CALN1: variants seen among roughly 807,000 people sequenced by gnomAD.
The protein encoded by CALN1 is calcium-binding protein 8.
Under a neutral mutation model 30.6 loss-of-function variants are expected in CALN1, and 17 were observed. The observed-to-expected ratio is 0.56, with a 90% CI of 0.38 to 0.83. The LOEUF (loss-of-function observed/expected upper bound fraction) is 0.83, where lower values mean the gene tolerates loss of function less well. Among genes scored for constraint, CALN1 ranks in the 40% least tolerant of loss-of-function variants. CALN1 has a pLI of 0.00. For synonymous variants in CALN1, 156 were observed against 131.4 expected, an observed-to-expected ratio of 1.19 and a Z score of -1.28; for missense variants, 291 against 354.9, an observed-to-expected ratio of 0.82 and a Z score of 1.45.
chr7:72,056,562 T>C (rs1803269372), intron 4 of CALN1, among the ~76,000 whole-genome samples: 1 of 152,026 alleles, frequency 6.6e-6, no homozygotes, highest in Non-Finnish European at 1.5e-5. Context: ...ATTAGAGAAA[T>C]ATATAGGTAA....
chr7:72,271,182 T>C (rs1256634252), intron 3 of CALN1, among the ~76,000 whole-genome samples: 1 of 151,976 alleles, frequency 6.6e-6, no homozygotes, highest in Non-Finnish European at 1.5e-5. Context: ...TTAAGGGACT[T>C]GTGAGACACC....
At chr7:72,255,975 G>A (rs953533108) in intron 3 of CALN1, among the ~76,000 whole-genome samples, 41 of 152,058 alleles carry the variant, frequency 2.7e-4, no homozygotes, top group African/African-American at 9.7e-4. Context: ...TGATCCACCC[G>A]CCTCGGCCTC....
upstream of CALN1, among the ~76,000 whole-genome samples, chr7:72,447,915 TACAC>T (rs1425797226): frequency 6.9e-6 from 1 of 144,540 alleles, no homozygotes; most frequent in Non-Finnish European, 1.5e-5. Context: ...TGTACACACA[TACAC>T]ACACGCTTGC....
chr7:72,424,599 A>G (rs1448897183), intron 1 of CALN1, among the ~76,000 whole-genome samples: 2 of 151,724 alleles, frequency 1.3e-5, no homozygotes, highest in Non-Finnish European at 2.9e-5. Context: ...AATTTATTTT[A>G]TTTTATTTTT....
intron 6 of CALN1, among the ~76,000 whole-genome samples, chr7:71,790,368 A>AAAGAAAG (rs1470378217): frequency 1.6e-5 from 2 of 123,798 alleles, no homozygotes; most frequent in African/African-American, 6.3e-5. Flanking sequence ...AGAAAGAAAG[A>AAAGAAAG]AAAGAAAGAA....
chr7:72,167,012 C>T (rs1053368548), intron 3 of CALN1, among the ~76,000 whole-genome samples: 2 of 150,818 alleles, frequency 1.3e-5, no homozygotes, highest in African/African-American at 4.9e-5. Flanking sequence ...CCAGCCTGGG[C>T]GACAGAGCAA....
intron 4 of CALN1, among the ~76,000 whole-genome samples, chr7:72,051,069 A>C (rs1026770015): frequency 4.0e-5 from 6 of 151,594 alleles, no homozygotes; most frequent in African/African-American, 1.5e-4. Context: ...GGAAAAAATA[A>C]AACATTTTTA....
chr7:72,317,072 GAC>G (rs1216800853), intron 2 of CALN1, among the ~76,000 whole-genome samples: 6 of 122,488 alleles, frequency 4.9e-5, no homozygotes, highest in African/African-American at 6.7e-5. Flanking sequence ...GAGAAAGAGA[GAC>G]ACAGAAAGAG....
intron 5 of CALN1, among the ~76,000 whole-genome samples, chr7:72,008,079 T>C (rs1177381983): frequency 6.6e-6 from 1 of 152,218 alleles, no homozygotes; most frequent in Non-Finnish European, 1.5e-5. Flanking sequence ...AAAGGGGTCA[T>C]GGATCAGTAG....
rs759111222 is a variant in CALN1, at chr7:72,278,850, C to G, written c.120-40G>C. The G allele has an allele frequency of 1.2e-5, 19 of 1,582,908 alleles. No homozygotes were observed. In the Admixed American group the frequency reaches 3.2e-4, roughly 27 times the overall value. On this transcript the variant is annotated intron_variant, in intron 2 of 6. Transcript: ENST00000395275. ...ACAGGGGAGGGGAAAAGAAAGACAT[C>G]ATCATTCATTCTTCCTTTCCTTTCT...
At chr7:72,223,360 C>T (rs1793441488) in intron 3 of CALN1, among the ~76,000 whole-genome samples, 1 of 152,084 alleles carries the variant, frequency 6.6e-6, no homozygotes, top group Non-Finnish European at 1.5e-5. Flanking sequence ...CATTTCTAAA[C>T]CAAAAACAGG....
At chr7:72,023,825 A>AC (rs1800875880) in intron 4 of CALN1, 56 bp from the exon 5 acceptor site, 1 of 1,269,564 alleles carries the variant, frequency 7.9e-7, no homozygotes, top group African/African-American at 1.5e-5. Flanking sequence ...GACCTACCGT[A>AC]CCTGATGCAA....
intron 3 of CALN1, among the ~76,000 whole-genome samples, chr7:72,168,871 C>T (rs1197160773): frequency 1.4e-5 from 2 of 147,938 alleles, no homozygotes; most frequent in East Asian, 2.0e-4. Flanking sequence ...AGTGATGACA[C>T]TGCGGCTCAT....
intron 6 of CALN1, among the ~76,000 whole-genome samples, chr7:71,807,230 T>C (rs1178395161): frequency 3.3e-5 from 5 of 152,138 alleles, no homozygotes; most frequent in Non-Finnish European, 7.3e-5. Flanking sequence ...TTTGTGGATA[T>C]GGGAGCAATA....
At chr7:71,794,210 G>A (rs954533207) in intron 6 of CALN1, among the ~76,000 whole-genome samples, 4 of 152,116 alleles carry the variant, frequency 2.6e-5, no homozygotes, top group African/African-American at 9.7e-5. Context: ...TTACTGTTAC[G>A]CCCAGGTTCA....
At chr7:72,311,651 A>ATTTTTTTTTTTTTTTTTTTTT (rs56197069) in intron 2 of CALN1, among the ~76,000 whole-genome samples, 6 of 48,534 alleles carry the variant, frequency 1.2e-4, no homozygotes, top group African/African-American at 2.4e-4. Context: ...CCTGGCTGAG[A>ATTTTTTTTTTTTTTTTTTTTT]TTTTTTTTTT....
the CALN1 span, among the ~76,000 whole-genome samples, chr7:72,476,364 A>C: frequency 6.6e-6 from 1 of 152,084 alleles, no homozygotes; most frequent in African/African-American, 2.4e-5. Context: ...GAGTCCATTA[A>C]ACCTCTTTCC....
intron 3 of CALN1, among the ~76,000 whole-genome samples, chr7:72,156,498 C>T (rs1190057980): frequency 6.6e-6 from 1 of 152,188 alleles, no homozygotes; most frequent in Non-Finnish European, 1.5e-5. Flanking sequence ...CTGACTAATG[C>T]TCACACTGAC....
intron 5 of CALN1, among the ~76,000 whole-genome samples, chr7:71,811,942 G>T (rs1787986890): frequency 6.6e-6 from 1 of 151,992 alleles, no homozygotes; most frequent in African/African-American, 2.4e-5. Context: ...GCCTCCCAAA[G>T]TGCTGGGATT....
Sources: allele counts gnomAD v4.1 joint callset (sites outside exome capture counted in the v4.1 genomes callset), GRCh38; gene constraint gnomAD v4.1.1; transcripts MANE v1.5; gene names NCBI Gene and HGNC (gene_info 2026-07-23, HGNC 2026-07-21).